Variants in LDAH observed in about 807,000 individuals in gnomAD.
The protein encoded by LDAH is lipid droplet associated hydrolase.
LDAH carries 26 observed loss-of-function variants against 29.6 expected under a neutral mutation model. That is an observed-to-expected ratio of 0.88 (90% CI 0.64 to 1.22). The LOEUF (loss-of-function observed/expected upper bound fraction) is 1.22, where lower values mean the gene tolerates loss of function less well. Among genes scored for constraint, LDAH ranks in the 50% most tolerant of loss-of-function variants. LDAH has a pLI of 0.00. For synonymous variants in LDAH, 117 were observed against 133.0 expected (o/e 0.88, Z 0.83); for missense variants, 344 against 387.3 (o/e 0.89, Z 0.94).
intron 3 of LDAH, among the ~76,000 whole-genome samples, chr2:20,783,563 C>G (rs4971549): frequency 0.16 from 24,048 of 152,080 alleles, 2,395 homozygotes; most frequent in Non-Finnish European, 0.21. Flanking sequence ...CTGACATTTT[C>G]TTTTTCTGAA....
chr2:20,717,111 G>A (rs1037575121), intron 5 of LDAH, among the ~76,000 whole-genome samples: 5 of 152,138 alleles, frequency 3.3e-5, no homozygotes, highest in African/African-American at 1.2e-4. Context: ...TCAATTGTAG[G>A]TGGGCTGTAG....
intron 4 of LDAH, among the ~76,000 whole-genome samples, chr2:20,759,169 T>C (rs976103701): frequency 7.9e-5 from 12 of 152,312 alleles, no homozygotes; most frequent in African/African-American, 2.4e-4. Context: ...AAACTATTTG[T>C]TGAAATGGAG....
At chr2:20,775,098 G>A (rs1669716251) in intron 3 of LDAH, 119 bp from the exon 4 acceptor site, 1 of 838,142 alleles carries the variant, frequency 1.2e-6, no homozygotes, top group Non-Finnish European at 1.8e-6. Flanking sequence ...CCTACAGTGT[G>A]CCAGTGATAA....
At chr2:20,779,754 T>G (rs554786872) in intron 3 of LDAH, among the ~76,000 whole-genome samples, 2 of 152,174 alleles carry the variant, frequency 1.3e-5, no homozygotes, top group Admixed American at 6.5e-5. Context: ...TTGATTGTTA[T>G]ATAACTCTAT....
At chr2:20,710,606 G>GTGTGTGTATATATATATATATA (rs1467950593) in intron 5 of LDAH, among the ~76,000 whole-genome samples, 4 of 131,870 alleles carry the variant, frequency 3.0e-5, no homozygotes, top group African/African-American at 8.2e-5. Flanking sequence ...GTGTGTGTGT[G>GTGTGTGTATATATATATATATA]TATATATATA....
chr2:20,693,834 T>G (rs1383406725), intron 6 of LDAH, among the ~76,000 whole-genome samples: 1 of 152,216 alleles, frequency 6.6e-6, no homozygotes, highest in Non-Finnish European at 1.5e-5. Flanking sequence ...TAGCACTTCA[T>G]CAACAGCTGT....
intron 5 of LDAH, among the ~76,000 whole-genome samples, chr2:20,711,605 A>G (rs1336410370): frequency 2.0e-5 from 3 of 152,198 alleles, no homozygotes; most frequent in African/African-American, 7.2e-5. Context: ...CCAGAAACAC[A>G]AGGGTCAGGG....
chr2:20,785,057 G>A (rs1305126917), intron 3 of LDAH, among the ~76,000 whole-genome samples: 1 of 151,998 alleles, frequency 6.6e-6, no homozygotes, highest in African/African-American at 2.4e-5. Flanking sequence ...CCAACATACT[G>A]TTACTTTTAT....
rs147773589 is a variant in LDAH, at chr2:20,686,946, T to C, written c.935A>G (p.Asp312Gly). The change falls in exon 7 of 7, where the codon GAC becomes GGC. Residue 312 changes from aspartate to glycine, a missense_variant. Asp to Gly is a moderately conservative substitution (Grantham distance 94). Transcript: ENST00000237822. ...ATCCTTTAGGGAGTCAGCAATCATG[T>C]CTGCCATTTCCTGGTTAAAATGGGT... ...FITHFNQEMA[D>G]MIADSLKDDL... 2.6e-4 allele frequency: 422 copies of C among 1,614,092 alleles called. 2 individuals are homozygous for C. In the African/African-American group the frequency reaches 5.1e-3, roughly 20 times the overall value.
At chr2:20,801,263 T>C in intron 2 of LDAH, 47 bp downstream of exon 2, 1 of 1,572,238 alleles carries the variant, frequency 6.4e-7, no homozygotes, top group South Asian at 1.2e-5. Flanking sequence ...TCAGACATAG[T>C]TATGAGTATC....
chr2:20,692,540 C>T (rs1009457654), intron 6 of LDAH, among the ~76,000 whole-genome samples: 2 of 152,312 alleles, frequency 1.3e-5, no homozygotes, highest in African/African-American at 4.8e-5. Flanking sequence ...AGTAGGACTA[C>T]AGGCATTACA....
intron 1 of LDAH, among the ~76,000 whole-genome samples, chr2:20,816,372 T>C (rs1672849657): frequency 2.0e-5 from 3 of 151,994 alleles, no homozygotes; most frequent in African/African-American, 7.2e-5. Flanking sequence ...GCATATAGCG[T>C]CTATAAGAAA....
At chr2:20,759,907 G>A (rs2124947373) in intron 4 of LDAH, among the ~76,000 whole-genome samples, 1 of 152,126 alleles carries the variant, frequency 6.6e-6, no homozygotes, top group Middle Eastern at 3.4e-3. Flanking sequence ...CATACCACAG[G>A]GCCTCTCAAT....
At chr2:20,812,691 C>T (rs114897501) in intron 1 of LDAH, among the ~76,000 whole-genome samples, 5,654 of 152,196 alleles carry the variant, frequency 0.037, 131 homozygotes, top group Middle Eastern at 0.051. Flanking sequence ...TAGAAACAGG[C>T]ATTAACTAAG....
intron 3 of LDAH, among the ~76,000 whole-genome samples, chr2:20,778,612 C>T (rs930989008): frequency 2.6e-5 from 4 of 152,110 alleles, no homozygotes; most frequent in African/African-American, 9.7e-5. Context: ...ATAAAATATA[C>T]TACCTTTGCC....
chr2:20,810,619 T>C (rs561650776), intron 1 of LDAH, among the ~76,000 whole-genome samples: 1 of 152,286 alleles, frequency 6.6e-6, no homozygotes, highest in East Asian at 1.9e-4. Context: ...GCACATAAGC[T>C]TTACTTCTGA....
chr2:20,686,486 T>A lies in LDAH; in HGVS notation c.*417A>T, dbSNP rs1662564960. 6.4e-6 allele frequency: 1 copy of A among 157,226 alleles called. No individual in the cohort carries two copies. The highest frequency in any genetic ancestry group is 1.4e-5 in the Non-Finnish European group (1 of 71,602). 9.7% of individuals were successfully genotyped at this position (157,226 alleles called of 1,614,324 possible). On this transcript the variant is annotated 3_prime_UTR_variant, in exon 7 of 7. Coordinates refer to ENST00000237822, the MANE Select transcript of LDAH (RefSeq NM_021925.4). ...ACATATCTAACTATACTCTTAACAT[T>A]CACTGATTTATTTTACATTTTCTAG...
chr2:20,739,426 T>C (rs553610851), intron 5 of LDAH, among the ~76,000 whole-genome samples: 13 of 152,304 alleles, frequency 8.5e-5, no homozygotes, highest in Admixed American at 3.9e-4. Flanking sequence ...AAAACAACTT[T>C]TGAAGCCAAA....
intron 2 of LDAH, among the ~76,000 whole-genome samples, chr2:20,794,066 G>T (rs1483188751): frequency 6.8e-6 from 1 of 147,182 alleles, no homozygotes; most frequent in Non-Finnish European, 1.5e-5. Context: ...AGGTTTCATG[G>T]ACTCACAGTT....
Sources: gnomAD v4.1 joint callset for allele counts (sites outside exome capture counted in the v4.1 genomes callset) on GRCh38, gnomAD v4.1.1 for gene constraint, MANE v1.5 for transcripts, NCBI Gene and HGNC (gene_info 2026-07-23, HGNC 2026-07-21) for gene names.